Variants in MYO7B observed in about 807,000 individuals in gnomAD.
The protein encoded by MYO7B is unconventional myosin-VIIb.
A neutral mutation model predicts 259.7 loss-of-function variants in MYO7B; 212 were observed. The ratio of observed to expected loss-of-function variants is 0.82; its 90% CI spans 0.73 to 0.91. The LOEUF is 0.91. Ranked by LOEUF, MYO7B falls within the 40% of genes least tolerant of loss-of-function variation. The pLI is 0.00. For missense variants in MYO7B, 2,732 were observed against 2,813.5 expected (o/e 0.97, Z 0.66); for synonymous variants, 1,197 against 1,166.4 (o/e 1.03, Z -0.54).
At chr2:127,624,724 GGGGGCTCGGGA>G (rs1380458377) in intron 30 of MYO7B, among the ~76,000 whole-genome samples, 1 of 152,238 alleles carries the variant, frequency 6.6e-6, no homozygotes, top group African/African-American at 2.4e-5. Flanking sequence ...CATCTGACTG[GGGGGCTCGGGA>G]GGGGCTCTCA....
intron 9 of MYO7B, 64 bp downstream of exon 9, chr2:127,578,350 AG>A: frequency 6.3e-7 from 1 of 1,589,342 alleles, no homozygotes; most frequent in Non-Finnish European, 8.6e-7. Flanking sequence ...AGGAGCAGGA[AG>A]GCATCTCTAG....
intron 35 of MYO7B, among the ~76,000 whole-genome samples, chr2:127,630,323 C>T (rs1681400448): frequency 6.6e-6 from 1 of 152,174 alleles, no homozygotes; most frequent in African/African-American, 2.4e-5. Context: ...TGGATGGCAA[C>T]TGTGCAAAGT....
intron 16 of MYO7B, among the ~76,000 whole-genome samples, chr2:127,591,429 T>C (rs774173442): frequency 6.6e-5 from 10 of 152,192 alleles, no homozygotes; most frequent in African/African-American, 2.2e-4. Flanking sequence ...ATATCTCTCA[T>C]TGGTGGCTGC....
Position 127,578,260 on chromosome 2 carries a change from T to C in MYO7B, c.977T>C (p.Leu326Pro). Reference sequence around the variant, plus strand: ...GTCATCAAGCTGCTGGCTGCCATTCTCCACCTGGGGAATGTGGGGTTCATG... The same window carrying C: ...GTCATCAAGCTGCTGGCTGCCATTCCCCACCTGGGGAATGTGGGGTTCATG... The part of the protein sequence containing the change: ...WDVIKLLAAI[L>P]HLGNVGFMAS... Residue 326 changes from leucine (L) to proline (P), a missense_variant, in exon 9 of 48, where the codon CTC becomes CCC. Physicochemically the swap from Leu to Pro is moderately conservative, Grantham distance 98. Coordinates refer to ENST00000409816, the MANE Select transcript of MYO7B (RefSeq NM_001393586.1). 6.2e-7 allele frequency: 1 copy of C among 1,613,546 alleles called. No individual in the cohort carries two copies. Among genetic ancestry groups the C allele is most frequent in the Non-Finnish European group, 8.5e-7 (1 of 1,179,822 alleles).
chr2:127,632,999 C>T (rs1418848099), intron 39 of MYO7B, among the ~76,000 whole-genome samples: 1 of 152,214 alleles, frequency 6.6e-6, no homozygotes, highest in African/African-American at 2.4e-5. Context: ...TTCCTGCCGG[C>T]GCCTTCCCGG....
chr2:127,636,970 G>A lies in MYO7B; in HGVS notation c.6327+57G>A, dbSNP rs1681863759. ...GCATAGGACAGAGCTGCTGGAGACT[G>A]GGTTCCCCACCCTCACCCCTTTCAA... On this transcript the variant is annotated intron_variant, in intron 47 of 47. Transcript: ENST00000409816. This position sits in a 1 kb window ranked among gnomAD's most constrained non-coding sequence, Gnocchi z 4.5. 1 of 1,598,712 alleles carries A rather than the reference G, an allele frequency of 6.3e-7. No individual in the cohort carries two copies. Among genetic ancestry groups the A allele is most frequent in the Non-Finnish European group, 8.5e-7 (1 of 1,178,460 alleles).
chr2:127,576,514 C>T lies in MYO7B; in HGVS notation c.736-81C>T. On this transcript the variant is annotated intron_variant, in intron 7 of 47. Coordinates refer to ENST00000409816, the MANE Select transcript of MYO7B (RefSeq NM_001393586.1). This position sits in a 1 kb window ranked among gnomAD's most constrained non-coding sequence, Gnocchi z 4.9. ...ATGTGGAGCGGAGGCCAGGGCTGGG[C>T]TGGGCAGAGGCAGTCTGAGGCCCTG... is the stretch of plus-strand genomic sequence containing the variant. 1.2e-6 allele frequency: 1 copy of T among 841,806 alleles called. No homozygotes were observed. The highest frequency in any genetic ancestry group is 2.7e-5 in the Admixed American group (1 of 37,668). The allele number at this position is 841,806 out of a possible 1,614,324, so 52.1% of individuals were successfully genotyped here. A position where few individuals can be genotyped will look rare whatever the true frequency, so the allele number is the denominator to read the frequency against.
intron 37 of MYO7B, 85 bp from the exon 38 acceptor site, chr2:127,631,515 G>A (rs563904906): frequency 2.8e-5 from 43 of 1,539,642 alleles, no homozygotes; most frequent in Admixed American, 9.3e-5. Context: ...ATGGCTCACC[G>A]CAGGGCCGGG....
At position 127,634,621 on chromosome 2, in the gene MYO7B, T is replaced by A. The variant is rs144810127; in HGVS notation, c.5651T>A (p.Phe1884Tyr). The A allele has an allele frequency of 2.3e-5, 37 of 1,612,492 alleles. No homozygotes were observed. Among genetic ancestry groups the A allele is most frequent in the Middle Eastern group, 1.7e-4 (1 of 6,060 alleles). ...DKVISQKEGD[F>Y]FFDSLREVSD... ...GTCATCAGCCAGAAGGAGGGAGACT[T>A]CTTCTTTGATTCCTTGAGGGAGGTG... Residue 1884 changes from phenylalanine (F) to tyrosine (Y), a missense_variant, in exon 42 of 48, where the codon TTC becomes TAC. Physicochemically the swap from Phe to Tyr is conservative, Grantham distance 22. Coordinates refer to ENST00000409816, the MANE Select transcript of MYO7B (RefSeq NM_001393586.1).
At chr2:127,583,567 C>G (rs12616515) in intron 12 of MYO7B, among the ~76,000 whole-genome samples, 51,691 of 152,168 alleles carry the variant, frequency 0.34, 11,065 homozygotes, top group East Asian at 0.67. Context: ...GGGACAGAGA[C>G]AGAAACTCCT....
At position 127,559,831 on chromosome 2, in the gene MYO7B, T is replaced by C; in HGVS notation, c.18+91T>C. 7.1e-7 allele frequency: 1 copy of C among 1,407,480 alleles called. No homozygotes were observed. The highest frequency in any genetic ancestry group is 1.0e-6 in the Non-Finnish European group (1 of 992,176). 87.2% of individuals were successfully genotyped at this position (1,407,480 alleles called of 1,614,324 possible). A position where few individuals can be genotyped will look rare whatever the true frequency, so the allele number is the denominator to read the frequency against. ...TCCCAAGGAAAGAGAGGAAAGGCAA[T>C]GAGACCCTATAGGAAAATACCAGAG... is the stretch of plus-strand genomic sequence containing the variant. On this transcript the variant is annotated intron_variant, in intron 2 of 47. Coordinates refer to ENST00000409816, the MANE Select transcript of MYO7B (RefSeq NM_001393586.1). The surrounding 1 kb of genome is among the most constrained non-coding windows in gnomAD (Gnocchi z 4.1).
chr2:127,544,041 G>A (rs928933096), intron 1 of MYO7B, among the ~76,000 whole-genome samples: 1 of 151,928 alleles, frequency 6.6e-6, no homozygotes, highest in East Asian at 1.9e-4. Context: ...AAAGTGCTGG[G>A]ATTACAGGCT....
In MYO7B at chr2:127,632,351, G is replaced by C. The variant is rs1294973299; in HGVS notation, c.5355G>C (p.Arg1785Ser). 5.6e-6 allele frequency: 9 copies of C among 1,599,676 alleles called. No homozygotes were observed. The highest frequency in any genetic ancestry group is 6.8e-6 in the Non-Finnish European group (8 of 1,172,756). ...PHAQKFIDTR[R>S]GKLLAPDCSR... Reference sequence around the variant, plus strand: ...CCCAGAAGTTTATAGACACTCGGAGGGGGAAGCTGCTGGCCCCCGACTGCA... The same window carrying C: ...CCCAGAAGTTTATAGACACTCGGAGCGGGAAGCTGCTGGCCCCCGACTGCA... The change falls in exon 39 of 48, where the codon AGG (arginine) becomes AGC (serine). Residue 1785 changes from arginine (R) to serine (S), a missense_variant. By Grantham distance (110) the Arg-to-Ser change is moderately radical. Around this residue, in one of 3 missense-constraint regions of MYO7B, gnomAD observed 821 missense variants for 769.3 expected, o/e 1.07. Transcript: ENST00000409816.
Position 127,557,853 on chromosome 2 carries a change from T to A in MYO7B, c.-23-1847T>A, listed in dbSNP as rs555025874. Reference sequence around the variant, plus strand: ...TATATAAAAATCAACTCAAGATGGATCAAGGACTTAAATCTAAGACCTAAA... The same window carrying A: ...TATATAAAAATCAACTCAAGATGGAACAAGGACTTAAATCTAAGACCTAAA... On this transcript the variant is annotated intron_variant, in intron 1 of 47. Coordinates refer to ENST00000409816, the MANE Select transcript of MYO7B (RefSeq NM_001393586.1). 1.2e-4 allele frequency among the ~76,000 whole-genome samples: 19 copies of A among 152,256 alleles called. No individual in the cohort carries two copies. In the East Asian group the frequency reaches 1.4e-3, roughly 11 times the overall value.
chr2:127,608,178 CT>C, intron 21 of MYO7B, among the ~76,000 whole-genome samples: 1 of 152,296 alleles, frequency 6.6e-6, no homozygotes, highest in Non-Finnish European at 1.5e-5. Context: ...TGGATGAAAA[CT>C]TGGTCTACTA....
intron 19 of MYO7B, among the ~76,000 whole-genome samples, chr2:127,604,816 A>C (rs1680103911): frequency 6.6e-6 from 1 of 152,202 alleles, no homozygotes; most frequent in South Asian, 2.1e-4. Context: ...ACATTTGTTA[A>C]GTTTCCCATC....
intron 4 of MYO7B, among the ~76,000 whole-genome samples, chr2:127,565,606 A>G (rs1013456965): frequency 6.6e-6 from 1 of 152,258 alleles, no homozygotes; most frequent in African/African-American, 2.4e-5. Context: ...GTGACAGCAC[A>G]GTGCCTGGCA....
chr2:127,620,359 A>C lies in MYO7B; in HGVS notation c.3418A>C (p.Ile1140Leu). 6.2e-7 allele frequency: 1 copy of C among 1,612,310 alleles called. No homozygotes were observed. The highest frequency in any genetic ancestry group is 2.2e-5 in the East Asian group (1 of 44,850). The change falls in exon 27 of 48, where the codon ATC becomes CTC. Residue 1140 changes from isoleucine to leucine, a missense_variant. Coordinates refer to ENST00000409816, the MANE Select transcript of MYO7B (RefSeq NM_001393586.1). ...TTTCAGGGATGAGATTTACTGCCAGATCTGCAAGCAGCTCTCGGAGAACTT... is the reference window on the plus strand; with the variant it reads ...TTTCAGGGATGAGATTTACTGCCAGCTCTGCAAGCAGCTCTCGGAGAACTT... ...PSLRDEIYCQ[I>L]CKQLSENFKT...
intron 1 of MYO7B, among the ~76,000 whole-genome samples, chr2:127,542,564 A>G (rs528564909): frequency 1.6e-4 from 24 of 152,324 alleles, no homozygotes; most frequent in Non-Finnish European, 3.1e-4. Flanking sequence ...AATGCATACT[A>G]TGGATAAGGA....
Sources: allele counts gnomAD v4.1 joint callset (sites outside exome capture counted in the v4.1 genomes callset), GRCh38; gene constraint gnomAD v4.1.1; regional missense constraint gnomAD v4.1.1; non-coding constraint Gnocchi (gnomAD v3.1); transcripts MANE v1.5; gene names NCBI Gene and HGNC (gene_info 2026-07-23, HGNC 2026-07-21).